HP1BP3: variants seen among roughly 807,000 people sequenced by gnomAD.
The protein encoded by HP1BP3 is heterochromatin protein 1 binding protein 3.
In HP1BP3, 12 loss-of-function variants were observed where a neutral mutation model predicts 62.5. That is an observed-to-expected ratio of 0.19 (90% CI 0.12 to 0.31). HP1BP3 has a LOEUF of 0.31. Ranked by LOEUF, HP1BP3 falls within the 10% of genes least tolerant of loss-of-function variation. HP1BP3 has a pLI of 1.00. For synonymous variants in HP1BP3, 260 were observed against 237.8 expected (o/e 1.09, Z -0.86); for missense variants, 502 against 651.8 (o/e 0.77, Z 2.50).
In HP1BP3 at chr1:20,773,581, T is replaced by C. The variant is rs773669462; in HGVS notation, c.380A>G (p.Lys127Arg). The C allele has an allele frequency of 2.5e-6, 4 of 1,608,952 alleles. No homozygotes were observed. The highest frequency in any genetic ancestry group is 2.2e-5 in the East Asian group (1 of 44,660). ...DEKDQSKEKEKKVKKTIPSWA... is the reference protein window; with the variant it reads ...DEKDQSKEKERKVKKTIPSWA... ...GGAAGGAATTGTTTTTTTCACTTTC[T>C]TCTCCTTTTCTTTAGACTGATCTTT... The change falls in exon 5 of 13, where the codon AAG becomes AGG. Residue 127 changes from lysine (K) to arginine (R), a missense_variant. By Grantham distance (26) the Lys-to-Arg change is conservative. Transcript: ENST00000438032.
rs925532304 is a variant in HP1BP3, at chr1:20,780,060, G to T, written c.97-149C>A. 9.8e-6 allele frequency: 6 copies of T among 612,370 alleles called. 1 individual carries two copies. The highest frequency in any genetic ancestry group is 3.7e-5 in the African/African-American group (2 of 53,938). 37.9% of individuals were successfully genotyped at this position (612,370 alleles called of 1,614,324 possible). On this transcript the variant is annotated intron_variant, in intron 2 of 12. Coordinates refer to ENST00000438032, the MANE Select transcript of HP1BP3 (RefSeq NM_001372052.1). ...AAATTACTTTTAACAAGTTTTTTTT[G>T]AAGTGAAATATGATTTTTAAGATAC...
intron 5 of HP1BP3, among the ~76,000 whole-genome samples, chr1:20,772,027 C>T (rs758576882): frequency 4.6e-5 from 7 of 152,168 alleles, no homozygotes; most frequent in Non-Finnish European, 1.5e-5. Flanking sequence ...TAATTCAAGT[C>T]TATGTCTCTG....
chr1:20,751,037 G>A (rs776621413), intron 9 of HP1BP3, among the ~76,000 whole-genome samples: 11 of 151,888 alleles, frequency 7.2e-5, no homozygotes, highest in East Asian at 1.9e-4. Context: ...GGCTAGTCTC[G>A]AACTCCAGAC....
Position 20,765,516 on chromosome 1 carries a change from C to A in HP1BP3, c.751G>T (p.Val251Leu). 1 of 1,612,608 alleles carries A rather than the reference C, an allele frequency of 6.2e-7. No homozygotes were observed. Among genetic ancestry groups the A allele is most frequent in the South Asian group, 1.1e-5 (1 of 90,846 alleles). Residue 251 changes from valine (V) to leucine (L), a missense_variant, in exon 8 of 13, where the codon GTG (valine) becomes TTG (leucine). By Grantham distance (32) the Val-to-Leu change is conservative. Coordinates refer to ENST00000438032, the MANE Select transcript of HP1BP3 (RefSeq NM_001372052.1). Reference sequence around the variant, plus strand: ...AATTTTACTTGTGGTTCTGGATCCACTGCAGAGCTCCTATTCTGAAAAGTA... The same window carrying A: ...AATTTTACTTGTGGTTCTGGATCCAATGCAGAGCTCCTATTCTGAAAAGTA... ...SRNRKNRSSA[V>L]DPEPQVKLED...
In HP1BP3 at chr1:20,749,806, A is replaced by G; in HGVS notation, c.1058T>C (p.Met353Thr). Reference protein sequence around the residue: ...EYAILSAIAAMNEPKTCSTTA... With the variant: ...EYAILSAIAATNEPKTCSTTA... ...GGTAGAGCAGGTCTTCGGCTCATTC[A>G]TGGCAGCAATGGCAGACAAGATTGC... Residue 353 changes from methionine (M) to threonine (T), a missense_variant, in exon 10 of 13, where the codon ATG becomes ACG. Around this residue, in one of 5 missense-constraint regions of HP1BP3, gnomAD observed 111 missense variants for 242.0 expected, o/e 0.46. Transcript: ENST00000438032. 1 of 1,614,114 alleles carries G rather than the reference A, an allele frequency of 6.2e-7. No individual in the cohort carries two copies. Among genetic ancestry groups the G allele is most frequent in the Non-Finnish European group, 8.5e-7 (1 of 1,179,988 alleles).
intron 6 of HP1BP3, 85 bp from the exon 7 acceptor site, chr1:20,767,749 T>A: frequency 2.6e-6 from 2 of 781,678 alleles, no homozygotes; most frequent in Non-Finnish European, 2.1e-6. Flanking sequence ...ATGCAAGAGC[T>A]AATGTAAAGT....
Position 20,743,003 on chromosome 1 carries a change from A to G in HP1BP3, c.*1794T>C, listed in dbSNP as rs1423981998. Reference sequence around the variant, plus strand: ...AAATGTCAAGTGCCACAGGGAAGAGAAATGATAACCAGAAATTTGTATTTC... The same window carrying G: ...AAATGTCAAGTGCCACAGGGAAGAGGAATGATAACCAGAAATTTGTATTTC... On this transcript the variant is annotated 3_prime_UTR_variant, in exon 13 of 13. Coordinates refer to ENST00000438032, the MANE Select transcript of HP1BP3 (RefSeq NM_001372052.1). The G allele has an allele frequency of 2.0e-5, 3 of 152,588 alleles. No individual in the cohort carries two copies. Among genetic ancestry groups the G allele is most frequent in the African/African-American group, 7.2e-5 (3 of 41,452 alleles). 9.5% of individuals were successfully genotyped at this position (152,588 alleles called of 1,614,324 possible). A position where few individuals can be genotyped will look rare whatever the true frequency, so the allele number is the denominator to read the frequency against.
intron 9 of HP1BP3, among the ~76,000 whole-genome samples, chr1:20,751,754 AAGT>A (rs1392980574): frequency 9.2e-5 from 14 of 152,052 alleles, no homozygotes; most frequent in Non-Finnish European, 1.8e-4. Context: ...AAAAAAAAAA[AAGT>A]ATCATACAAA....
chr1:20,768,767 G>T (rs2056911862), intron 6 of HP1BP3, among the ~76,000 whole-genome samples: 1 of 152,110 alleles, frequency 6.6e-6, no homozygotes, highest in Non-Finnish European at 1.5e-5. Flanking sequence ...TTGAACACGG[G>T]AGGCAGAGGG....
At chr1:20,764,900 G>A (rs1195507110) in intron 8 of HP1BP3, among the ~76,000 whole-genome samples, 2 of 149,122 alleles carry the variant, frequency 1.3e-5, no homozygotes, top group Admixed American at 6.7e-5. Flanking sequence ...TGGCCACAGC[G>A]GCTCACGCCT....
At chr1:20,775,744 C>T (rs796117503) in intron 4 of HP1BP3, 4 of 395,432 alleles carry the variant, frequency 1.0e-5, no homozygotes, top group Middle Eastern at 6.5e-4. Context: ...TAACTGCCTA[C>T]AGTATTTAGT....
chr1:20,746,965 G>C (rs975555054), intron 11 of HP1BP3, among the ~76,000 whole-genome samples: 1 of 152,148 alleles, frequency 6.6e-6, no homozygotes, highest in African/African-American at 2.4e-5. Context: ...GCAGTGAGCC[G>C]AGATTATACC....
intron 9 of HP1BP3, among the ~76,000 whole-genome samples, chr1:20,753,859 G>A (rs1192101333): frequency 6.6e-6 from 1 of 152,148 alleles, no homozygotes; most frequent in Admixed American, 6.5e-5. Context: ...AGTATATATA[G>A]AAGGGAACTT....
At chr1:20,767,962 T>G (rs1257044048) in intron 6 of HP1BP3, among the ~76,000 whole-genome samples, 1 of 152,092 alleles carries the variant, frequency 6.6e-6, no homozygotes, top group Non-Finnish European at 1.5e-5. Flanking sequence ...TATTAAAAAC[T>G]TTCAAAATGA....
intron 8 of HP1BP3, among the ~76,000 whole-genome samples, chr1:20,764,015 C>G (rs577913808): frequency 2.0e-5 from 3 of 152,216 alleles, no homozygotes; most frequent in Non-Finnish European, 4.4e-5. Context: ...TAACCCAATA[C>G]TAGACTCAAA....
intron 3 of HP1BP3, among the ~76,000 whole-genome samples, chr1:20,777,468 T>C (rs900978978): frequency 6.6e-6 from 1 of 152,030 alleles, no homozygotes; most frequent in African/African-American, 2.4e-5. Flanking sequence ...TTTATTTATT[T>C]TTTTTTTGAG....
chr1:20,765,596 G>A (rs947274818), intron 7 of HP1BP3, 65 bp from the exon 8 acceptor site: 40 of 1,314,704 alleles, frequency 3.0e-5, no homozygotes, highest in Non-Finnish European at 4.1e-5. Flanking sequence ...TACAACTCAA[G>A]GGCTTTCCTC....
At chr1:20,760,654 T>G in intron 8 of HP1BP3, among the ~76,000 whole-genome samples, 1 of 151,896 alleles carries the variant, frequency 6.6e-6, no homozygotes, top group East Asian at 1.9e-4. Context: ...CTGGCCAACA[T>G]GGTGAAACTC....
intron 6 of HP1BP3, among the ~76,000 whole-genome samples, chr1:20,768,425 G>C (rs1255021452): frequency 6.6e-6 from 1 of 152,144 alleles, no homozygotes; most frequent in Non-Finnish European, 1.5e-5. Context: ...CAACCTGGGT[G>C]ACAGAGCGAT....
Sources: allele counts gnomAD v4.1 joint callset (sites outside exome capture counted in the v4.1 genomes callset), GRCh38; gene constraint gnomAD v4.1.1; regional missense constraint gnomAD v4.1.1; transcripts MANE v1.5; gene names NCBI Gene and HGNC (gene_info 2026-07-23, HGNC 2026-07-21).